SYNDIG1: variants seen among roughly 807,000 people sequenced by gnomAD.
SYNDIG1 encodes synapse differentiation inducing 1.
SYNDIG1 carries 9 observed loss-of-function variants against 19.4 expected under a neutral mutation model. The ratio of observed to expected loss-of-function variants is 0.46; its 90% CI spans 0.28 to 0.81. SYNDIG1 has a LOEUF of 0.81. Ranked by LOEUF, SYNDIG1 falls within the 30% of genes least tolerant of loss-of-function variation. The pLI, the probability that SYNDIG1 is intolerant of heterozygous loss-of-function variation, is 0.12. For missense variants in SYNDIG1, 311 were observed against 343.3 expected (o/e 0.91, Z 0.74); for synonymous variants, 141 against 145.9 (o/e 0.97, Z 0.24).
intron 2 of SYNDIG1, among the ~76,000 whole-genome samples, chr20:24,545,041 A>G (rs2057546514): frequency 6.6e-6 from 1 of 152,168 alleles, no homozygotes; most frequent in Non-Finnish European, 1.5e-5. Flanking sequence ...CCCACACTTG[A>G]TAGAAAGGCC....
intron 3 of SYNDIG1, among the ~76,000 whole-genome samples, chr20:24,626,637 G>A (rs1298315599): frequency 1.1e-4 from 16 of 151,956 alleles, no homozygotes; most frequent in East Asian, 2.0e-4. Context: ...GACGATGGGC[G>A]GCCAGGCAGA....
At chr20:24,616,856 C>T (rs1325433453) in intron 3 of SYNDIG1, among the ~76,000 whole-genome samples, 2 of 152,214 alleles carry the variant, frequency 1.3e-5, no homozygotes, top group African/African-American at 4.8e-5. Flanking sequence ...TGTCGCCAGG[C>T]AGGGTGCCGG....
rs781402521 is a variant in SYNDIG1, at chr20:24,648,205, G to A, written c.619-17141G>A. On this transcript the variant is annotated intron_variant, in intron 3 of 3. Coordinates refer to ENST00000376862, the MANE Select transcript of SYNDIG1 (RefSeq NM_024893.3). Reference sequence around the variant, plus strand: ...CATGCAGTCCATAGCAGTTTGGCTCGCAGACATGCCTCTGGGCAATGAAGA... The same window carrying A: ...CATGCAGTCCATAGCAGTTTGGCTCACAGACATGCCTCTGGGCAATGAAGA... Among the ~76,000 whole-genome samples the A allele has an allele frequency of 1.1e-4, 16 of 152,190 alleles. 1 individual carries two copies. Among genetic ancestry groups the A allele is most frequent in the Admixed American group, 5.9e-4 (9 of 15,284 alleles).
intron 2 of SYNDIG1, among the ~76,000 whole-genome samples, chr20:24,569,003 C>T (rs867983599): frequency 1.3e-5 from 2 of 152,204 alleles, no homozygotes; most frequent in African/African-American, 4.8e-5. Flanking sequence ...TAGCTCATCA[C>T]GCCAACCTGG....
intron 3 of SYNDIG1, among the ~76,000 whole-genome samples, chr20:24,606,502 G>A (rs1479849152): frequency 6.6e-6 from 1 of 152,190 alleles, no homozygotes; most frequent in Non-Finnish European, 1.5e-5. Context: ...GCACTTTAAG[G>A]TAAAACCTTA....
intron 2 of SYNDIG1, among the ~76,000 whole-genome samples, chr20:24,556,773 A>C (rs1040792428): frequency 1.3e-5 from 2 of 152,060 alleles, no homozygotes; most frequent in African/African-American, 4.8e-5. Flanking sequence ...TGAATCTGAC[A>C]ATTATGTGTC....
chr20:24,598,943 G>T (rs2058637322), intron 3 of SYNDIG1, among the ~76,000 whole-genome samples: 1 of 152,060 alleles, frequency 6.6e-6, no homozygotes, highest in African/African-American at 2.4e-5. Context: ...AAGATTAATG[G>T]CTAGGACCTC....
At chr20:24,637,526 C>T (rs2059327896) in intron 3 of SYNDIG1, among the ~76,000 whole-genome samples, 1 of 152,210 alleles carries the variant, frequency 6.6e-6, no homozygotes, top group Admixed American at 6.5e-5. Flanking sequence ...ACCTAGAAAA[C>T]CCCAGCAAAA....
At chr20:24,572,622 G>A (rs879730449) in intron 2 of SYNDIG1, among the ~76,000 whole-genome samples, 29 of 152,182 alleles carry the variant, frequency 1.9e-4, no homozygotes, top group Non-Finnish European at 3.2e-4. Context: ...GGAGGACAGG[G>A]TTGGGCAGGA....
At chr20:24,630,695 C>T (rs1018033384) in intron 3 of SYNDIG1, among the ~76,000 whole-genome samples, 3 of 152,208 alleles carry the variant, frequency 2.0e-5, no homozygotes, top group African/African-American at 4.8e-5. Context: ...CTGGGAGCCT[C>T]ATGCTGCATC....
chr20:24,600,518 C>G (rs1306197553), intron 3 of SYNDIG1, among the ~76,000 whole-genome samples: 1 of 152,102 alleles, frequency 6.6e-6, no homozygotes, highest in Non-Finnish European at 1.5e-5. Flanking sequence ...CTGGAATGAC[C>G]TCCACAGAAC....
chr20:24,623,763 A>T (rs1267127775), intron 3 of SYNDIG1, among the ~76,000 whole-genome samples: 1 of 152,226 alleles, frequency 6.6e-6, no homozygotes, highest in African/African-American at 2.4e-5. Flanking sequence ...ATATTAAAAA[A>T]GAAGTATAAA....
chr20:24,586,995 A>C (rs532382997), intron 3 of SYNDIG1, among the ~76,000 whole-genome samples: 13 of 152,366 alleles, frequency 8.5e-5, no homozygotes, highest in Admixed American at 5.9e-4. Context: ...TTTCTCAGAA[A>C]GTAATTTTAT....
rs1470150245 is a variant in SYNDIG1 at position 24,636,023 on chromosome 20, C to T, written c.619-29323C>T. 3.3e-5 allele frequency among the ~76,000 whole-genome samples: 5 copies of T among 152,174 alleles called. No homozygotes were observed. In the East Asian group the frequency reaches 7.7e-4, roughly 23 times the overall value. ...GAAATACCTGCATAACAATGACTGT[C>T]GTTGACCCAGCTGTCTTTCCAACAC... On this transcript the variant is annotated intron_variant, in intron 3 of 3. Coordinates refer to ENST00000376862, the MANE Select transcript of SYNDIG1 (RefSeq NM_024893.3).
chr20:24,503,686 C>A (rs896585429), intron 1 of SYNDIG1, among the ~76,000 whole-genome samples: 2 of 151,830 alleles, frequency 1.3e-5, no homozygotes, highest in African/African-American at 2.4e-5. Flanking sequence ...ATGATCTCAG[C>A]CCCCTGGCAC....
intron 2 of SYNDIG1, among the ~76,000 whole-genome samples, chr20:24,574,040 A>T (rs1033036987): frequency 6.6e-6 from 1 of 152,142 alleles, no homozygotes; most frequent in Non-Finnish European, 1.5e-5. Flanking sequence ...TACATCTTAC[A>T]CTGATTTCCT....
intron 2 of SYNDIG1, among the ~76,000 whole-genome samples, chr20:24,545,004 G>A (rs953268027): frequency 6.6e-6 from 1 of 152,162 alleles, no homozygotes; most frequent in Non-Finnish European, 1.5e-5. Flanking sequence ...GAAGTTTGGA[G>A]CAGAATCAGA....
chr20:24,559,693 C>T (rs1005363139), intron 2 of SYNDIG1, among the ~76,000 whole-genome samples: 1 of 152,138 alleles, frequency 6.6e-6, no homozygotes, highest in Non-Finnish European at 1.5e-5. Flanking sequence ...CCTTTATTTA[C>T]CTGGGAATGT....
At chr20:24,500,375 C>T (rs927881058) in intron 1 of SYNDIG1, among the ~76,000 whole-genome samples, 6 of 152,114 alleles carry the variant, frequency 3.9e-5, no homozygotes, top group Non-Finnish European at 7.3e-5. Context: ...TTGTTTTCAT[C>T]CTTTTTCCAT....
Sources: gnomAD v4.1 joint callset for allele counts (sites outside exome capture counted in the v4.1 genomes callset) on GRCh38, gnomAD v4.1.1 for gene constraint, MANE v1.5 for transcripts, NCBI Gene and HGNC (gene_info 2026-07-23, HGNC 2026-07-21) for gene names.